GNAO1: variants seen among roughly 807,000 people sequenced by gnomAD.
GNAO1 encodes the protein G protein subunit alpha o1.
For missense variants in GNAO1, 166 were observed against 478.7 expected, an observed-to-expected ratio of 0.35 and a Z score of 6.10; for synonymous variants, 164 against 180.7, an observed-to-expected ratio of 0.91 and a Z score of 0.74.
intron 2 of GNAO1, among the ~76,000 whole-genome samples, chr16:56,258,057 T>G (rs1340463517): frequency 2.0e-5 from 3 of 152,258 alleles, no homozygotes; most frequent in Admixed American, 2.0e-4. Context: ...AACTCAAAAC[T>G]ACTGCAGGCC....
intron 2 of GNAO1, among the ~76,000 whole-genome samples, chr16:56,206,915 A>G (rs2036335937): frequency 6.6e-6 from 1 of 152,166 alleles, no homozygotes; most frequent in African/African-American, 2.4e-5. Context: ...CAGCTTATTG[A>G]TGTGTGTTCC....
intron 2 of GNAO1, among the ~76,000 whole-genome samples, chr16:56,243,269 C>G (rs1273817465): frequency 1.3e-5 from 2 of 152,104 alleles, no homozygotes; most frequent in African/African-American, 4.8e-5. Flanking sequence ...CCTGAAACCA[C>G]TCCATCCCCC....
intron 2 of GNAO1, among the ~76,000 whole-genome samples, chr16:56,224,897 G>A (rs1474303416): frequency 6.6e-6 from 1 of 152,234 alleles, no homozygotes; most frequent in Non-Finnish European, 1.5e-5. Flanking sequence ...CCTCGTTTCA[G>A]GTGCCCTTTA....
intron 3 of GNAO1, among the ~76,000 whole-genome samples, chr16:56,300,036 T>TGTGC (rs753591618): frequency 5.3e-5 from 5 of 95,172 alleles, no homozygotes; most frequent in African/African-American, 1.9e-4. Flanking sequence ...TGTGTGTGTG[T>TGTGC]GCGCGCGCGC....
At chr16:56,203,074 C>G (rs544171018) in intron 2 of GNAO1, among the ~76,000 whole-genome samples, 1 of 152,298 alleles carries the variant, frequency 6.6e-6, no homozygotes, top group South Asian at 2.1e-4. Flanking sequence ...AAATTCAATT[C>G]TCAAAGGTGC....
At chr16:56,328,555 G>T in intron 3 of GNAO1, 76 bp from the exon 4 acceptor site, 2 of 1,490,160 alleles carry the variant, frequency 1.3e-6, no homozygotes, top group South Asian at 1.2e-5. Context: ...GTCCCCGCTA[G>T]GGGAGAGCCC....
chr16:56,349,571 G>A (rs2037902946), intron 6 of GNAO1, among the ~76,000 whole-genome samples: 1 of 152,238 alleles, frequency 6.6e-6, no homozygotes, highest in South Asian at 2.1e-4. Flanking sequence ...CAGATGACAG[G>A]GAAATGCTCC....
intron 2 of GNAO1, among the ~76,000 whole-genome samples, chr16:56,248,075 T>A (rs887926180): frequency 6.6e-6 from 1 of 152,232 alleles, no homozygotes; most frequent in South Asian, 2.1e-4. Context: ...TGTTAGTGCC[T>A]TTAAGAAAAC....
At chr16:56,279,241 G>A (rs2037092606) in intron 3 of GNAO1, among the ~76,000 whole-genome samples, 1 of 152,174 alleles carries the variant, frequency 6.6e-6, no homozygotes, top group Non-Finnish European at 1.5e-5. Flanking sequence ...TCCCCCGGCA[G>A]CTGACTCACC....
chr16:56,316,666 C>T (rs1265737569), intron 3 of GNAO1, among the ~76,000 whole-genome samples: 1 of 152,180 alleles, frequency 6.6e-6, no homozygotes, highest in Non-Finnish European at 1.5e-5. Context: ...AGGCCCAGAC[C>T]CTGCCTCCCT....
rs140572989 is a variant in GNAO1 at position 56,349,589 on chromosome 16, T to C, written c.724-1795T>C. Among the ~76,000 whole-genome samples, 36 of 152,314 alleles carry C rather than the reference T, an allele frequency of 2.4e-4. No individual in the cohort carries two copies. The East Asian group carries it at 6.4e-3, about 27-fold the overall frequency. ...ATGACAGGGAAATGCTCCTGGGGAATCAGAATGAAATTTACTGATTGAGGA... is the reference window on the plus strand; with the variant it reads ...ATGACAGGGAAATGCTCCTGGGGAACCAGAATGAAATTTACTGATTGAGGA... On this transcript the variant is annotated intron_variant, in intron 6 of 8. Coordinates refer to ENST00000262493, the MANE Select transcript of GNAO1 (RefSeq NM_020988.3).
intron 2 of GNAO1, among the ~76,000 whole-genome samples, chr16:56,233,719 C>T (rs1035061304): frequency 3.9e-5 from 6 of 152,206 alleles, no homozygotes; most frequent in African/African-American, 7.2e-5. Context: ...AGCCTCCCAG[C>T]GAAGATGCTG....
Position 56,207,822 on chromosome 16 carries a change from G to A in GNAO1, c.161+15206G>A, listed in dbSNP as rs2036344705. Among the ~76,000 whole-genome samples, 4 of 152,322 alleles carry A rather than the reference G, an allele frequency of 2.6e-5. No homozygotes were observed. The South Asian group carries it at 8.3e-4, about 32-fold the overall frequency. ...TTAAAAGAAACATTTTTGTTGTGAT[G>A]TAGATCAATATACATGCAAAATGTA... On this transcript the variant is annotated intron_variant, in intron 2 of 8. Transcript: ENST00000262493.
chr16:56,203,885 G>A (rs1213865052), intron 2 of GNAO1, among the ~76,000 whole-genome samples: 3 of 152,224 alleles, frequency 2.0e-5, no homozygotes, highest in South Asian at 2.1e-4. Context: ...GTGAAGAGAA[G>A]TGACTGGAAA....
At chr16:56,267,664 C>T (rs893194052) in intron 2 of GNAO1, among the ~76,000 whole-genome samples, 2 of 152,148 alleles carry the variant, frequency 1.3e-5, no homozygotes, top group Non-Finnish European at 2.9e-5. Flanking sequence ...TCCTTCAGGT[C>T]GTATTTTCCC....
chr16:56,342,192 G>T (rs1433166028), intron 6 of GNAO1, among the ~76,000 whole-genome samples: 1 of 152,218 alleles, frequency 6.6e-6, no homozygotes, highest in Non-Finnish European at 1.5e-5. Context: ...GGTGGGGTCG[G>T]TCAGTTACCA....
intron 3 of GNAO1, among the ~76,000 whole-genome samples, chr16:56,291,733 T>C (rs1402094339): frequency 6.6e-6 from 1 of 152,190 alleles, no homozygotes; most frequent in African/African-American, 2.4e-5. Flanking sequence ...TGCCCACATT[T>C]CTGGAGGATG....
intron 6 of GNAO1, among the ~76,000 whole-genome samples, chr16:56,350,692 C>T (rs1464119796): frequency 6.6e-6 from 1 of 152,112 alleles, no homozygotes; most frequent in Non-Finnish European, 1.5e-5. Flanking sequence ...GGTGGCCCTG[C>T]CAGGAGCCTC....
intron 4 of GNAO1, among the ~76,000 whole-genome samples, chr16:56,330,346 TC>T (rs1343309534): frequency 6.6e-6 from 1 of 151,950 alleles, no homozygotes; most frequent in African/African-American, 2.4e-5. Flanking sequence ...CAGGGCCTCC[TC>T]CCCGAGGGCC....
Sources: gnomAD v4.1 joint callset for allele counts (sites outside exome capture counted in the v4.1 genomes callset) on GRCh38, gnomAD v4.1.1 for gene constraint, MANE v1.5 for transcripts, NCBI Gene and HGNC (gene_info 2026-07-23, HGNC 2026-07-21) for gene names.